CNBD1: variants seen among roughly 807,000 people sequenced by gnomAD.
CNBD1 encodes cyclic nucleotide binding domain containing 1.
A neutral mutation model predicts 54.4 loss-of-function variants in CNBD1; 71 were observed. The ratio of observed to expected loss-of-function variants is 1.30; its 90% CI spans 1.08 to 1.59. CNBD1 has a LOEUF of 1.59. CNBD1 is among the 40% of genes most tolerant of loss of function. The pLI is 0.00. For missense variants in CNBD1, 659 were observed against 518.0 expected (o/e 1.27, Z -2.64); for synonymous variants, 182 against 170.7 (o/e 1.07, Z -0.51).
chr8:87,300,561 C>A (rs1386411543), intron 8 of CNBD1, among the ~76,000 whole-genome samples: 1 of 152,106 alleles, frequency 6.6e-6, no homozygotes, highest in Admixed American at 6.6e-5. Context: ...ATTAGAAAAT[C>A]ATATAAAATG....
intron 3 of CNBD1, among the ~76,000 whole-genome samples, chr8:86,923,469 G>C (rs1236870576): frequency 6.6e-6 from 1 of 152,064 alleles, no homozygotes; most frequent in Non-Finnish European, 1.5e-5. Context: ...TTTAACTTTT[G>C]GAAGCTGGTG....
intron 1 of CNBD1, among the ~76,000 whole-genome samples, chr8:86,886,852 C>G (rs1808687674): frequency 6.6e-6 from 1 of 152,050 alleles, no homozygotes; most frequent in Non-Finnish European, 1.5e-5. Context: ...AGCAGAAGCC[C>G]ATCACTGTAA....
intron 6 of CNBD1, among the ~76,000 whole-genome samples, chr8:87,259,525 T>C (rs1365898025): frequency 6.6e-6 from 1 of 152,240 alleles, no homozygotes; most frequent in African/African-American, 2.4e-5. Context: ...TAAAAGACAT[T>C]ACTGTTTTTA....
intron 10 of CNBD1, among the ~76,000 whole-genome samples, chr8:87,374,883 G>A (rs1052548615): frequency 2.0e-5 from 3 of 151,812 alleles, no homozygotes; most frequent in Admixed American, 6.6e-5. Flanking sequence ...GTTGAATTAA[G>A]CAACCAAGAT....
intron 4 of CNBD1, among the ~76,000 whole-genome samples, chr8:86,988,286 G>T (rs558859160): frequency 2.0e-5 from 3 of 151,384 alleles, no homozygotes; most frequent in East Asian, 1.9e-4. Context: ...TCTAATTTGC[G>T]TGCATTCAGT....
At chr8:87,152,683 T>C (rs922879075) in intron 4 of CNBD1, among the ~76,000 whole-genome samples, 2 of 152,120 alleles carry the variant, frequency 1.3e-5, no homozygotes, top group African/African-American at 4.8e-5. Context: ...ATGGATGAAC[T>C]CCATCCTCAC....
chr8:87,113,263 G>A (rs551441647), intron 4 of CNBD1, among the ~76,000 whole-genome samples: 13 of 152,248 alleles, frequency 8.5e-5, no homozygotes, highest in African/African-American at 2.9e-4. Context: ...GGATTGGATG[G>A]GGACACCTAT....
chr8:87,386,912 G>A (rs575493745), downstream of CNBD1, among the ~76,000 whole-genome samples: 2 of 152,340 alleles, frequency 1.3e-5, no homozygotes, highest in Admixed American at 1.3e-4. Flanking sequence ...TGATCTCTCA[G>A]CAGAAACTCT....
rs1312881081 is a variant in CNBD1, at chr8:87,208,701, AAAT to A, written c.577+2567_577+2569del. ...GTTAATATTAAAACCCATTTCTATA[AAAT>A]AATGTTTTTCTCTTTTATATCTATG... On this transcript the variant is annotated intron_variant, in intron 5 of 10. Coordinates refer to ENST00000518476, the MANE Select transcript of CNBD1 (RefSeq NM_173538.3). Among the ~76,000 whole-genome samples, 11 of 151,976 alleles carry A rather than the reference AAAT, an allele frequency of 7.2e-5. No individual in the cohort carries two copies. The South Asian group carries it at 1.2e-3, about 17-fold the overall frequency.
intron 3 of CNBD1, among the ~76,000 whole-genome samples, chr8:86,907,548 A>G (rs914132721): frequency 2.6e-5 from 4 of 151,938 alleles, no homozygotes; most frequent in African/African-American, 9.6e-5. Context: ...GGCACCTGTA[A>G]TCCCAGCTAC....
At chr8:87,226,352 T>G (rs1323052077) in intron 5 of CNBD1, among the ~76,000 whole-genome samples, 3 of 150,812 alleles carry the variant, frequency 2.0e-5, no homozygotes, top group Non-Finnish European at 4.4e-5. Context: ...ATTTTGGATC[T>G]TTCCTGCTTT....
intron 3 of CNBD1, among the ~76,000 whole-genome samples, chr8:86,921,943 A>T (rs112492758): frequency 2.2e-4 from 34 of 152,190 alleles, no homozygotes; most frequent in African/African-American, 7.2e-4. Flanking sequence ...AGTGCAGTGT[A>T]GGGGGTGTCA....
chr8:87,280,371 A>G (rs1808575622), intron 6 of CNBD1, among the ~76,000 whole-genome samples: 1 of 151,486 alleles, frequency 6.6e-6, no homozygotes, highest in Admixed American at 6.6e-5. Flanking sequence ...GCTAATAGAA[A>G]CTCATTCAAG....
intron 4 of CNBD1, among the ~76,000 whole-genome samples, chr8:87,115,866 C>T (rs1586266912): frequency 6.6e-6 from 1 of 152,126 alleles, no homozygotes; most frequent in South Asian, 2.1e-4. Context: ...TTAATCGATC[C>T]GTTTACCTTC....
intron 1 of CNBD1, among the ~76,000 whole-genome samples, chr8:86,867,925 A>G (rs1170841172): frequency 6.6e-6 from 1 of 152,212 alleles, no homozygotes; most frequent in Non-Finnish European, 1.5e-5. Flanking sequence ...TGAATAGAGC[A>G]TAATGGAAAG....
At chr8:87,317,369 T>C (rs934555817) in intron 8 of CNBD1, among the ~76,000 whole-genome samples, 5 of 151,776 alleles carry the variant, frequency 3.3e-5, no homozygotes, top group Admixed American at 3.3e-4. Context: ...CATTTTAATA[T>C]ATTATCTTTT....
chr8:86,933,288 A>G (rs1044918029), intron 3 of CNBD1, among the ~76,000 whole-genome samples: 1 of 152,172 alleles, frequency 6.6e-6, no homozygotes, highest in Non-Finnish European at 1.5e-5. Flanking sequence ...ATACAAAACA[A>G]AAAACCGAAC....
At chr8:87,277,650 C>T (rs910462040) in intron 6 of CNBD1, among the ~76,000 whole-genome samples, 3 of 151,764 alleles carry the variant, frequency 2.0e-5, no homozygotes, top group East Asian at 1.9e-4. Flanking sequence ...TCAGTTGAAA[C>T]CCAGAACCAA....
rs147992017 is a variant in CNBD1 at position 87,023,210 on chromosome 8, G to C, written c.431+83456G>C. 1.8e-3 allele frequency among the ~76,000 whole-genome samples: 275 copies of C among 152,146 alleles called. 1 individual carries two copies. The highest frequency in any genetic ancestry group is 2.4e-3 in the Non-Finnish European group (166 of 67,996). On this transcript the variant is annotated intron_variant, in intron 4 of 10. Coordinates refer to ENST00000518476, the MANE Select transcript of CNBD1 (RefSeq NM_173538.3). Reference sequence around the variant, plus strand: ...TTTTGCATGAGTGATTTTGCTGAAGGTAACAGATGAAAAATACACACACAT... The same window carrying C: ...TTTTGCATGAGTGATTTTGCTGAAGCTAACAGATGAAAAATACACACACAT...
Sources: allele counts gnomAD v4.1 joint callset (sites outside exome capture counted in the v4.1 genomes callset), GRCh38; gene constraint gnomAD v4.1.1; transcripts MANE v1.5; gene names NCBI Gene and HGNC (gene_info 2026-07-23, HGNC 2026-07-21).